The following BCLAF3 variants were observed in gnomAD, a reference collection of about 807,000 sequenced individuals.
BCLAF3 encodes transient octamer binding factor 1.
Under a neutral mutation model 51.2 loss-of-function variants are expected in BCLAF3, and 24 were observed. That is an observed-to-expected ratio of 0.47 (90% CI 0.34 to 0.66). The LOEUF (loss-of-function observed/expected upper bound fraction) is 0.66. Among genes scored for constraint, BCLAF3 ranks in the 30% least tolerant of loss-of-function variants. The pLI, the probability that BCLAF3 is intolerant of heterozygous loss-of-function variation, is 0.01. For synonymous variants in BCLAF3, 152 were observed against 176.6 expected (o/e 0.86, Z 1.10); for missense variants, 465 against 525.1 (o/e 0.89, Z 1.12).
At chrX:19,973,436 C>T (rs929222617) in intron 1 of BCLAF3, among the ~76,000 whole-genome samples, 3 of 111,510 alleles carry the variant, frequency 2.7e-5, no homozygotes, top group African/African-American at 9.8e-5. Flanking sequence ...AAATGCTCAA[C>T]AAAAAAGATT....
chrX:19,941,558 G>T (rs1355448921), intron 8 of BCLAF3, among the ~76,000 whole-genome samples: 1 of 108,765 alleles, frequency 9.2e-6, no homozygotes, highest in Admixed American at 9.7e-5. Flanking sequence ...TTTTTCTCGG[G>T]TTTGTCAAAG....
At chrX:19,953,751 G>A (rs1372049632) in intron 6 of BCLAF3, 27 bp downstream of exon 6, 3 of 1,108,375 alleles carry the variant, frequency 2.7e-6, no homozygotes, top group Non-Finnish European at 2.5e-6. Context: ...TTAGTTAAAT[G>A]GGTATAATAT....
chrX:19,934,712 G>C (rs749054964), intron 10 of BCLAF3, among the ~76,000 whole-genome samples: 6 of 111,640 alleles, frequency 5.4e-5, no homozygotes, highest in African/African-American at 2.0e-4. Context: ...TCCTCCTAAT[G>C]AGCTAACTAC....
intron 4 of BCLAF3, among the ~76,000 whole-genome samples, chrX:19,963,540 T>C (rs1415579897): frequency 8.9e-6 from 1 of 112,043 alleles, no homozygotes; most frequent in Non-Finnish European, 1.9e-5. Flanking sequence ...ATAAAATTGT[T>C]GTAGAGTAGT....
At chrX:19,982,853 TC>T (rs2072661942) in intron 1 of BCLAF3, among the ~76,000 whole-genome samples, 1 of 110,023 alleles carries the variant, frequency 9.1e-6, no homozygotes, top group South Asian at 3.9e-4. Flanking sequence ...GTGGGCTTAA[TC>T]CACCTATTAC....
intron 1 of BCLAF3, among the ~76,000 whole-genome samples, chrX:19,971,906 A>C (rs1349244760): frequency 8.9e-6 from 1 of 112,423 alleles, no homozygotes; most frequent in East Asian, 2.8e-4. Context: ...AGATACAAAA[A>C]GTACAATTAT....
chrX:19,974,871 G>C (rs1351036617), intron 1 of BCLAF3, among the ~76,000 whole-genome samples: 2 of 111,256 alleles, frequency 1.8e-5, no homozygotes, highest in Non-Finnish European at 3.8e-5. Flanking sequence ...GACAGAGTGA[G>C]ACTGCATCTC....
At chrX:19,990,387 C>G (rs2072905105) in intron 1 of BCLAF3, among the ~76,000 whole-genome samples, 1 of 113,523 alleles carries the variant, frequency 8.8e-6, no homozygotes, top group African/African-American at 3.2e-5. Flanking sequence ...TAATGAGCAG[C>G]CTTCACTACT....
At chrX:19,986,855 G>C (rs2072816265) in intron 1 of BCLAF3, among the ~76,000 whole-genome samples, 1 of 104,914 alleles carries the variant, frequency 9.5e-6, no homozygotes, top group South Asian at 4.4e-4. Flanking sequence ...CCAGGCTGGT[G>C]TGCGGTAGTG....
At chrX:19,923,841 A>T (rs1003458767) in intron 11 of BCLAF3, among the ~76,000 whole-genome samples, 8 of 85,831 alleles carry the variant, frequency 9.3e-5, no homozygotes, top group Non-Finnish European at 1.2e-4. Flanking sequence ...TTATTTATTT[A>T]TTTATTTTTT....
At chrX:19,933,896 G>A (rs2070661339) in intron 10 of BCLAF3, among the ~76,000 whole-genome samples, 1 of 111,101 alleles carries the variant, frequency 9.0e-6, no homozygotes, top group South Asian at 3.9e-4. Context: ...TCAGCCTCCT[G>A]AGTAGCTGGG....
intron 1 of BCLAF3, among the ~76,000 whole-genome samples, chrX:19,987,587 G>C (rs772171499): frequency 1.2e-4 from 14 of 112,710 alleles, no homozygotes; most frequent in Non-Finnish European, 1.9e-4. Flanking sequence ...TTACAGGCGT[G>C]AGCCACTGTG....
chrX:19,926,944 C>T (rs756306395), intron 11 of BCLAF3, among the ~76,000 whole-genome samples: 19 of 111,415 alleles, frequency 1.7e-4, no homozygotes, highest in East Asian at 1.7e-3. Context: ...AAAAGAGATG[C>T]GGCCGGGTGC....
At position 19,984,687 on chromosome X, in the gene BCLAF3, T is replaced by C. The variant is rs187291331; in HGVS notation, c.-35+6221A>G. The stretch of plus-strand genomic sequence containing the variant: ...CCTGGGTATTTTAGAACTAAAATTA[T>C]ACTTTTTTTTTTTTTGAGACGGAGT... On this transcript the variant is annotated intron_variant, in intron 1 of 11. Transcript: ENST00000379682. 7.7e-3 allele frequency among the ~76,000 whole-genome samples: 857 copies of C among 111,267 alleles called. 3 individuals carry two copies. The highest frequency in any genetic ancestry group is 0.011 in the Non-Finnish European group (594 of 52,986).
At chrX:19,944,176 G>A (rs1278706398) in intron 8 of BCLAF3, among the ~76,000 whole-genome samples, 9 of 71,832 alleles carry the variant, frequency 1.3e-4, no homozygotes, top group South Asian at 8.5e-4. Context: ...GTCTCTGCAC[G>A]TGAGATGGGT....
chrX:19,967,573 G>A (rs147097411), intron 2 of BCLAF3, among the ~76,000 whole-genome samples: 66 of 111,625 alleles, frequency 5.9e-4, no homozygotes, highest in South Asian at 1.5e-3. Context: ...TTGCCTAGAC[G>A]TAAAGAGAGG....
intron 11 of BCLAF3, among the ~76,000 whole-genome samples, chrX:19,927,428 T>C (rs1434373242): frequency 8.9e-6 from 1 of 111,882 alleles, no homozygotes; most frequent in Non-Finnish European, 1.9e-5. Context: ...TGTTAAGATT[T>C]ACTAAAATCA....
intron 11 of BCLAF3, chrX:19,917,945 C>G (rs1182612010): frequency 9.0e-6 from 1 of 111,515 alleles, no homozygotes; most frequent in Non-Finnish European, 1.9e-5. Flanking sequence ...ATACTATGCA[C>G]AATATTCAAT....
At chrX:19,932,826 C>T (rs929741297) in intron 10 of BCLAF3, among the ~76,000 whole-genome samples, 1 of 111,723 alleles carries the variant, frequency 9.0e-6, no homozygotes, top group South Asian at 3.7e-4. Flanking sequence ...GCCACCATGC[C>T]TGGCCGGATA....
Sources: gnomAD v4.1 joint callset for allele counts (sites outside exome capture counted in the v4.1 genomes callset) on GRCh38, gnomAD v4.1.1 for gene constraint, MANE v1.5 for transcripts, NCBI Gene and HGNC (gene_info 2026-07-23, HGNC 2026-07-21) for gene names.